The following JAKMIP3 variants were observed in gnomAD, a reference collection of about 807,000 sequenced individuals.
The protein encoded by JAKMIP3 is Janus kinase and microtubule interacting protein 3, also known as janus kinase and microtubule-interacting protein 3.
Under a neutral mutation model 118.5 loss-of-function variants are expected in JAKMIP3, and 58 were observed. That is an observed-to-expected ratio of 0.49 (90% confidence interval 0.40 to 0.61). The LOEUF is 0.61. Ranked by LOEUF, JAKMIP3 falls within the 20% of genes least tolerant of loss-of-function variation. The pLI, the probability that JAKMIP3 is intolerant of heterozygous loss-of-function variation, is 0.00. For synonymous variants in JAKMIP3, 486 were observed against 451.2 expected, an observed-to-expected ratio of 1.08 and a Z score of -0.98; for missense variants, 950 against 1,109.0, an observed-to-expected ratio of 0.86 and a Z score of 2.04.
rs576150320 is a variant in JAKMIP3 at position 132,179,261 on chromosome 10, C to T, written c.*1104-3096C>T. On this transcript the variant is annotated intron_variant, in intron 23 of 23. Transcript: ENST00000684848. This position sits in a 1 kb window ranked among gnomAD's most constrained non-coding sequence, Gnocchi z 4.3. ...CAGGGGCCCTCAGTGCTCATCCTCC[C>T]CCAGCATCATGCACGGTCACGGGGC... 1.3e-5 allele frequency among the ~76,000 whole-genome samples: 2 copies of T among 152,356 alleles called. No individual in the cohort carries two copies. Among genetic ancestry groups the T allele is most frequent in the African/African-American group, 4.8e-5 (2 of 41,586 alleles).
Position 132,163,378 on chromosome 10 carries a change from G to C in JAKMIP3, c.2390G>C (p.Arg797Pro), listed in dbSNP as rs760851282. The C allele has an allele frequency of 6.2e-7, 1 of 1,605,742 alleles. No individual in the cohort carries two copies. Among genetic ancestry groups the C allele is most frequent in the Non-Finnish European group, 8.5e-7 (1 of 1,179,126 alleles). ...CGCGAGCGGGACGCCCAGATCCTGC[G>C]GGAGCGCATGGAGCTGCTGCAGCTG... is the stretch of plus-strand genomic sequence containing the variant. ...ELRERDAQIL[R>P]ERMELLQLAQ... Residue 797 changes from arginine to proline, a missense_variant, in exon 20 of 24, where the codon CGG (arginine) becomes CCG (proline). Physicochemically the swap from Arg to Pro is moderately radical, Grantham distance 103. Coordinates refer to ENST00000684848, the MANE Select transcript of JAKMIP3 (RefSeq NM_001323087.2).
In JAKMIP3 at chr10:132,047,852, A is replaced by G. The variant is rs1224584253; in HGVS notation, c.-138+11114A>G. On this transcript the variant is annotated intron_variant, in intron 1 of 23. Transcript: ENST00000657785. ...ACCCCGCCACGAGCTTTCAGTGCAC[A>G]GAACTGTGTGTTCCCCACCCCCCGC... Among the ~76,000 whole-genome samples, 63 of 127,674 alleles carry G rather than the reference A, an allele frequency of 4.9e-4. 1 individual carries two copies. Among genetic ancestry groups the G allele is most frequent in the Non-Finnish European group, 2.3e-4 (14 of 61,038 alleles). 83.8% of individuals were successfully genotyped at this position (127,674 alleles called of 152,430 possible). A position where few individuals can be genotyped will look rare whatever the true frequency, so the allele number is the denominator to read the frequency against.
chr10:132,063,116 G>A (rs914053938), upstream of JAKMIP3, among the ~76,000 whole-genome samples: 1 of 152,190 alleles, frequency 6.6e-6, no homozygotes. Flanking sequence ...GATCATGGGA[G>A]TGGCCAAGCT....
intron 22 of JAKMIP3, 54 bp from the exon 23 acceptor site, chr10:132,167,899 C>A: frequency 7.9e-7 from 1 of 1,262,210 alleles, no homozygotes; most frequent in Non-Finnish European, 1.0e-6. Flanking sequence ...TCGCCCCTCA[C>A]TCCAGCCAAG....
intron 1 of JAKMIP3, among the ~76,000 whole-genome samples, chr10:132,069,040 G>A (rs917094058): frequency 1.3e-5 from 2 of 152,152 alleles, no homozygotes; most frequent in East Asian, 1.9e-4. Context: ...CGAGGGGAGC[G>A]CCTTTAGCTG....
At chr10:132,043,720 G>T (rs573320055) in intron 1 of JAKMIP3, among the ~76,000 whole-genome samples, 46 of 152,252 alleles carry the variant, frequency 3.0e-4, no homozygotes, top group East Asian at 9.7e-4. Context: ...GAGGAGGGCT[G>T]GGGGGAGCGG....
chr10:132,180,656 TGC>T (rs1299558343), intron 23 of JAKMIP3, among the ~76,000 whole-genome samples: 293 of 16,318 alleles, frequency 0.018, 35 homozygotes, highest in East Asian at 0.12. Flanking sequence ...CGTGTGCGTG[TGC>T]GTGTGTGCGT....
At chr10:132,161,030 C>CCTCTCACTGTGTGATGCTGGGGGGT (rs2058162274) in intron 19 of JAKMIP3, among the ~76,000 whole-genome samples, 1 of 10,194 alleles carries the variant, frequency 9.8e-5, no homozygotes, top group East Asian at 1.6e-3. Flanking sequence ...GCTGGGGGGG[C>CCTCTCACTGTGTGATGCTGGGGGGT]CTCTTCCTGT....
At position 132,041,947 on chromosome 10, in the gene JAKMIP3, C is replaced by T. The variant is rs181163256; in HGVS notation, c.-138+5209C>T. Among the ~76,000 whole-genome samples, 430 of 151,554 alleles carry T rather than the reference C, an allele frequency of 2.8e-3. 2 individuals carry two copies. The highest frequency in any genetic ancestry group is 9.2e-3 in the African/African-American group (380 of 41,288). ...AGTGGTGCCATCTCGGGTCACTGCACCCTCCACCTCCCAGGTTCAGGTGAT... is the reference window on the plus strand; with the variant it reads ...AGTGGTGCCATCTCGGGTCACTGCATCCTCCACCTCCCAGGTTCAGGTGAT... On this transcript the variant is annotated intron_variant, in intron 1 of 23. Transcript: ENST00000657785.
intron 1 of JAKMIP3, among the ~76,000 whole-genome samples, chr10:132,075,808 T>C (rs889083334): frequency 1.3e-5 from 2 of 152,292 alleles, no homozygotes; most frequent in South Asian, 2.1e-4. Flanking sequence ...AAAAGTCTTT[T>C]TATATACCCC....
At chr10:132,039,981 G>A (rs2037669917) in intron 1 of JAKMIP3, among the ~76,000 whole-genome samples, 1 of 152,254 alleles carries the variant, frequency 6.6e-6, no homozygotes, top group Non-Finnish European at 1.5e-5. Context: ...AATTTCAGAA[G>A]GCTGGGATGA....
At chr10:132,056,510 G>C (rs957309536) in intron 1 of JAKMIP3, among the ~76,000 whole-genome samples, 4 of 152,124 alleles carry the variant, frequency 2.6e-5, no homozygotes, top group Non-Finnish European at 4.4e-5. Flanking sequence ...CCCCTTTGTG[G>C]CTCTGCTGCC....
chr10:132,151,999 C>G (rs1305026265), intron 16 of JAKMIP3, among the ~76,000 whole-genome samples: 1 of 152,182 alleles, frequency 6.6e-6, no homozygotes, highest in Non-Finnish European at 1.5e-5. Flanking sequence ...CTCAGTCACC[C>G]TGAAGCCACC....
intron 2 of JAKMIP3, among the ~76,000 whole-genome samples, chr10:132,115,511 A>G (rs571036895): frequency 2.6e-5 from 4 of 152,302 alleles, no homozygotes; most frequent in Admixed American, 2.6e-4. Flanking sequence ...GAGTCCTCTC[A>G]GGGGAAATTA....
At position 132,137,093 on chromosome 10, in the gene JAKMIP3, C is replaced by A; in HGVS notation, c.1191C>A (p.Val397=). The A allele has an allele frequency of 6.2e-7, 1 of 1,613,912 alleles. No individual in the cohort carries two copies. The highest frequency in any genetic ancestry group is 8.5e-7 in the Non-Finnish European group (1 of 1,179,856). The change falls in exon 7 of 24, where the codon GTC becomes GTA. Residue 397 remains valine, a synonymous_variant. Coordinates refer to ENST00000684848, the MANE Select transcript of JAKMIP3 (RefSeq NM_001323087.2). Reference sequence around the variant, plus strand: ...ATCAAAGTCAGGATGAGAGAGAAGTCGATTTCTTGAAGCTTCAGATTGTGG... The same window carrying A: ...ATCAAAGTCAGGATGAGAGAGAAGTAGATTTCTTGAAGCTTCAGATTGTGG... The part of the protein sequence containing the change: ...DLDQSQDERE[V]DFLKLQIVEQ...
At chr10:132,086,078 G>A (rs114467585) in intron 1 of JAKMIP3, among the ~76,000 whole-genome samples, 2,398 of 152,142 alleles carry the variant, frequency 0.016, 72 homozygotes, top group African/African-American at 0.055. Context: ...TGTTCAGTTC[G>A]AAGAATTTTT....
intron 14 of JAKMIP3, among the ~76,000 whole-genome samples, chr10:132,148,473 CG>C (rs2055124463): frequency 1.0e-5 from 1 of 96,040 alleles, no homozygotes; most frequent in African/African-American, 3.2e-5. Context: ...TCCATCCGCC[CG>C]TCCTCCATCC....
At chr10:132,119,999 A>G (rs535046324) in intron 3 of JAKMIP3, among the ~76,000 whole-genome samples, 1 of 152,304 alleles carries the variant, frequency 6.6e-6, no homozygotes, top group East Asian at 1.9e-4. Context: ...CACTTTGCTC[A>G]CGCTCTTCTC....
rs1490377192 is a variant in JAKMIP3 at position 132,180,774 on chromosome 10, T to TGCATGC, written c.*1104-1582_*1104-1581insCATGCG. Among the ~76,000 whole-genome samples, 51 of 65,882 alleles carry TGCATGC rather than the reference T, an allele frequency of 7.7e-4. 16 individuals are homozygous for TGCATGC. The highest frequency in any genetic ancestry group is 1.2e-3 in the Non-Finnish European group (40 of 33,422). 43.2% of individuals were successfully genotyped at this position (65,882 alleles called of 152,430 possible). A position where few individuals can be genotyped will look rare whatever the true frequency, so the allele number is the denominator to read the frequency against. On this transcript the variant is annotated intron_variant, in intron 23 of 23. Transcript: ENST00000684848. The stretch of plus-strand genomic sequence containing the variant: ...GCGCGTGTGTGCGTGTGTGTGCGTG[T>TGCATGC]GTGTGTGTGCGCGTATGCATGTGCT...
Sources: allele counts gnomAD v4.1 joint callset (sites outside exome capture counted in the v4.1 genomes callset), GRCh38; gene constraint gnomAD v4.1.1; non-coding constraint Gnocchi (gnomAD v3.1); transcripts MANE v1.5; gene names NCBI Gene and HGNC (gene_info 2026-07-23, HGNC 2026-07-21).